The following LTBP2 variants were observed in gnomAD, a reference collection of about 807,000 sequenced individuals.
The protein encoded by LTBP2 is latent transforming growth factor beta binding protein 2.
LTBP2 carries 103 observed loss-of-function variants against 210.6 expected under a neutral mutation model. The observed-to-expected ratio is 0.49, with a 90% CI of 0.42 to 0.58. LTBP2 has a LOEUF of 0.58. Among genes scored for constraint, LTBP2 ranks in the 20% least tolerant of loss-of-function variants. The pLI is 0.00. For missense variants in LTBP2, 2,313 were observed against 2,494.5 expected (o/e 0.93, Z 1.55); for synonymous variants, 1,007 against 1,015.0 (o/e 0.99, Z 0.15).
In LTBP2 at chr14:74,500,765, G is replaced by A. The variant is rs146119949; in HGVS notation, c.*119C>T. ...GCTGGGAGAGATGAAAGCAGGCAAG[G>A]CTGATTGGAAACCTCTGGCCTGATG... On this transcript the variant is annotated 3_prime_UTR_variant, in exon 36 of 36. Transcript: ENST00000261978. The A allele has an allele frequency of 9.7e-4, 1,328 of 1,363,310 alleles. 13 individuals are homozygous for A. The African/African-American group carries it at 0.017, about 17-fold the overall frequency. The allele number at this position is 1,363,310 out of a possible 1,614,324, so 84.5% of individuals were successfully genotyped here. A position where few individuals can be genotyped will look rare whatever the true frequency, so the allele number is the denominator to read the frequency against.
At chr14:74,535,698 G>C (rs1365981969) in intron 9 of LTBP2, among the ~76,000 whole-genome samples, 1 of 152,184 alleles carries the variant, frequency 6.6e-6, no homozygotes, top group Non-Finnish European at 1.5e-5. Context: ...TGTGGGTGGA[G>C]ATGGGGACGA....
Position 74,511,323 on chromosome 14 carries a change from T to A in LTBP2, c.2950A>T (p.Arg984Ter). ...CRHPGTCPDG[R>*]CVNSPGSYTC... ...TAGGAGCCAGGGGAATTGACGCATC[T>A]CCCATCAGGGCAGGTACCGGGGTGA... is the stretch of plus-strand genomic sequence containing the variant. The change falls in exon 19 of 36, where the codon AGA becomes TGA. Residue 984 changes from arginine to a stop codon, truncating the protein, a stop_gained. Transcript: ENST00000261978. LOFTEE classifies it high-confidence loss of function. The A allele has an allele frequency of 6.2e-7, 1 of 1,614,040 alleles. No individual in the cohort carries two copies. Among genetic ancestry groups the A allele is most frequent in the East Asian group, 2.2e-5 (1 of 44,876 alleles).
At chr14:74,580,938 G>A (rs1595290293) in intron 3 of LTBP2, among the ~76,000 whole-genome samples, 1 of 152,186 alleles carries the variant, frequency 6.6e-6, no homozygotes, top group Non-Finnish European at 1.5e-5. Flanking sequence ...GGGTGACAGA[G>A]TGAGACCCTG....
intron 8 of LTBP2, among the ~76,000 whole-genome samples, chr14:74,543,019 G>T (rs375155625): frequency 2.0e-5 from 3 of 151,870 alleles, no homozygotes; most frequent in African/African-American, 7.2e-5. Flanking sequence ...TGCCCATCTT[G>T]GTCTCCCAAA....
intron 9 of LTBP2, among the ~76,000 whole-genome samples, chr14:74,534,312 T>C (rs905596181): frequency 1.3e-4 from 20 of 152,126 alleles, no homozygotes; most frequent in African/African-American, 4.8e-4. Context: ...AACAGGTGGC[T>C]CTGATGAGAC....
intron 2 of LTBP2, among the ~76,000 whole-genome samples, chr14:74,603,174 C>A (rs1011755702): frequency 1.3e-5 from 2 of 152,164 alleles, no homozygotes; most frequent in African/African-American, 4.8e-5. Flanking sequence ...GTCGCCCAGT[C>A]TGGAGTGCAG....
rs991154045 is a variant in LTBP2, at chr14:74,507,189, T to C, written c.3897A>G (p.Gly1299=). The part of the protein sequence containing the change: ...CQPGFHMAPN[G]DCIDIDECAN... ...TCCCTCCCTACTCACCAATGCAGTC[T>C]CCGTTCGGGGCCATGTGGAAGCCAG... The change falls in exon 26 of 36, where the codon GGA becomes GGG. Residue 1299 remains glycine, a synonymous_variant. Coordinates refer to ENST00000261978, the MANE Select transcript of LTBP2 (RefSeq NM_000428.3). The C allele has an allele frequency of 3.1e-6, 5 of 1,614,008 alleles. No individual in the cohort carries two copies. In the East Asian group the frequency reaches 1.1e-4, roughly 36 times the overall value.
At position 74,506,805 on chromosome 14, in the gene LTBP2, T is replaced by C. The variant is rs755364614; in HGVS notation, c.3926A>G (p.Asn1309Ser). The C allele has an allele frequency of 1.9e-6, 3 of 1,614,032 alleles. No individual in the cohort carries two copies. Among genetic ancestry groups the C allele is most frequent in the South Asian group, 2.2e-5 (2 of 91,086 alleles). ...GCCGTGGCTGCCACACATGGTGTCG[T>C]TGGCGCACTCGTCTATGTCTGTGGG... Reference protein sequence around the residue: ...GDCIDIDECANDTMCGSHGFC... With the variant: ...GDCIDIDECASDTMCGSHGFC... Residue 1309 changes from asparagine to serine, a missense_variant, in exon 27 of 36, where the codon AAC (asparagine) becomes AGC (serine). By Grantham distance (46) the Asn-to-Ser change is conservative (BLOSUM62 1). This residue lies in a region of LTBP2 where 1,867 missense variants were observed against 1,976.9 expected (regional missense o/e 0.94). Coordinates refer to ENST00000261978, the MANE Select transcript of LTBP2 (RefSeq NM_000428.3).
Position 74,547,134 on chromosome 14 carries a change from T to C in LTBP2, c.1789+2729A>G, listed in dbSNP as rs185049091. ...GCTCCCACTGTCCCCTCCAATCCTA[T>C]AAGTGGCAGATGTGACATATAAGTG... On this transcript the variant is annotated intron_variant, in intron 8 of 35. Coordinates refer to ENST00000261978, the MANE Select transcript of LTBP2 (RefSeq NM_000428.3). Among the ~76,000 whole-genome samples, 187 of 152,338 alleles carry C rather than the reference T, an allele frequency of 1.2e-3. 2 individuals are homozygous for C. In the South Asian group the frequency reaches 0.016, roughly 13 times the overall value.
chr14:74,522,059 G>C lies in LTBP2; in HGVS notation c.2660-20C>G. 1 of 1,608,560 alleles carries C rather than the reference G, an allele frequency of 6.2e-7. No homozygotes were observed. Among genetic ancestry groups the C allele is most frequent in the Non-Finnish European group, 8.5e-7 (1 of 1,177,410 alleles). On this transcript the variant is annotated intron_variant, in intron 16 of 35. Transcript: ENST00000261978. ...TGTCATCTGACCAGAAGAAGGCAGG[G>C]AGGGAGGTCAGGGGGGCCAGCGGTG...
rs1417715197 is a variant in LTBP2 at position 74,551,244 on chromosome 14, T to C, written c.1506A>G (p.Leu502=). ...AQVRGGVEEA[L]VENSVETRPP... ...GTCTGGTCTCCACGCTGTTCTCCAC[T>C]AGGGCCTCCTCCACCCCGCCCCGCA... The change falls in exon 7 of 36, where the codon CTA becomes CTG. Residue 502 remains leucine (L), a synonymous_variant. Coordinates refer to ENST00000261978, the MANE Select transcript of LTBP2 (RefSeq NM_000428.3). 4.3e-6 allele frequency: 7 copies of C among 1,612,678 alleles called. No homozygotes were observed. The highest frequency in any genetic ancestry group is 3.3e-4 in the Middle Eastern group (2 of 6,040).
chr14:74,610,938 G>A (rs1382042840), intron 1 of LTBP2, among the ~76,000 whole-genome samples: 1 of 152,166 alleles, frequency 6.6e-6, no homozygotes, highest in Non-Finnish European at 1.5e-5. Context: ...CACGCCCCAC[G>A]ACACTTGTCC....
chr14:74,592,892 C>T (rs1415396222), intron 2 of LTBP2, among the ~76,000 whole-genome samples: 1 of 152,174 alleles, frequency 6.6e-6, no homozygotes, highest in Non-Finnish European at 1.5e-5. Flanking sequence ...AGCCTCCTCG[C>T]TTGCCAATGC....
At chr14:74,501,350 A>G (rs1381178100) in intron 35 of LTBP2, 91 bp downstream of exon 35, 9 of 1,569,452 alleles carry the variant, frequency 5.7e-6, no homozygotes, top group African/African-American at 1.4e-5. Context: ...CCCCACTAGG[A>G]GGCAGCAGTG....
At position 74,501,513 on chromosome 14, in the gene LTBP2, G is replaced by C; in HGVS notation, c.5248C>G (p.Arg1750Gly). 6.2e-7 allele frequency: 1 copy of C among 1,614,096 alleles called. No individual in the cohort carries two copies. Among genetic ancestry groups the C allele is most frequent in the Non-Finnish European group, 8.5e-7 (1 of 1,180,012 alleles). Residue 1750 changes from arginine to glycine, a missense_variant, in exon 35 of 36, where the codon CGC (arginine) becomes GGC (glycine). Coordinates refer to ENST00000261978, the MANE Select transcript of LTBP2 (RefSeq NM_000428.3). ...LNGCENGRCV[R>G]VREGYTCDCF... ...TCACAGGTGTAGCCCTCCCGCACGCGCACACAGCGGCCATTCTCACAGCCG... is the reference window on the plus strand; with the variant it reads ...TCACAGGTGTAGCCCTCCCGCACGCCCACACAGCGGCCATTCTCACAGCCG...
In LTBP2 at chr14:74,519,573, G is replaced by A. The variant is rs1317464695; in HGVS notation, c.2788+2338C>T. 2.6e-5 allele frequency among the ~76,000 whole-genome samples: 4 copies of A among 151,460 alleles called. No individual in the cohort carries two copies. In the East Asian group the frequency reaches 7.7e-4, roughly 29 times the overall value. On this transcript the variant is annotated intron_variant, in intron 17 of 35. Transcript: ENST00000261978. Reference sequence around the variant, plus strand: ...AAATAGATATAAATATCAAATCATTGAGGTAATGAGATATTACTTTATGAG... The same window carrying A: ...AAATAGATATAAATATCAAATCATTAAGGTAATGAGATATTACTTTATGAG...
chr14:74,542,610 C>G (rs2087522949), intron 8 of LTBP2, among the ~76,000 whole-genome samples: 1 of 152,132 alleles, frequency 6.6e-6, no homozygotes, highest in Non-Finnish European at 1.5e-5. Context: ...TGGTGCCTTG[C>G]CCCTTTGATT....
chr14:74,585,026 G>T (rs1020064763), intron 3 of LTBP2, among the ~76,000 whole-genome samples: 10 of 152,148 alleles, frequency 6.6e-5, no homozygotes, highest in African/African-American at 2.4e-4. Context: ...AGCAGAAAGC[G>T]AATGGAAAAA....
At chr14:74,602,451 A>G (rs2088461629) in intron 2 of LTBP2, among the ~76,000 whole-genome samples, 2 of 152,206 alleles carry the variant, frequency 1.3e-5, no homozygotes, top group Admixed American at 1.3e-4. Context: ...AGTGAGGCCC[A>G]GAAATGAAGG....
Sources: gnomAD v4.1 joint callset for allele counts (sites outside exome capture counted in the v4.1 genomes callset) on GRCh38, gnomAD v4.1.1 for gene constraint, gnomAD v4.1.1 regional missense constraint, MANE v1.5 for transcripts, NCBI Gene and HGNC (gene_info 2026-07-23, HGNC 2026-07-21) for gene names.